KRT8: variants seen among roughly 807,000 people sequenced by gnomAD.
The protein encoded by KRT8 is keratin 8, also known as keratin, type II cytoskeletal 8.
A neutral mutation model predicts 43.0 loss-of-function variants in KRT8; 24 were observed. The ratio of observed to expected loss-of-function variants is 0.56; its 90% CI spans 0.40 to 0.78. The LOEUF (loss-of-function observed/expected upper bound fraction) is 0.78. KRT8 is among the 30% of genes least tolerant of loss of function. KRT8 has a pLI of 0.00. For synonymous variants in KRT8, 214 were observed against 261.2 expected (o/e 0.82, Z 1.74); for missense variants, 492 against 638.4 (o/e 0.77, Z 2.47).
intron 2 of KRT8, among the ~76,000 whole-genome samples, chr12:52,923,609 G>A (rs941120261): frequency 2.0e-5 from 3 of 151,274 alleles, no homozygotes; most frequent in African/African-American, 4.9e-5. Flanking sequence ...TAGTAGAGAC[G>A]GGATTTCACC....
At chr12:52,929,796 C>A (rs774466367) in intron 2 of KRT8, among the ~76,000 whole-genome samples, 6 of 152,174 alleles carry the variant, frequency 3.9e-5, no homozygotes, top group Non-Finnish European at 7.3e-5. Context: ...CTGCCTCCAC[C>A]TCTTCAGGCC....
exon 6 of KRT8, chr12:52,898,812 C>T (rs1941284972): frequency 3.1e-6 from 5 of 1,614,050 alleles, no homozygotes; most frequent in Admixed American, 3.3e-5. Flanking sequence ...AGGGCGGCCT[C>T]CAGCTCGGAC....
At chr12:52,940,432 CA>C (rs959352157) in intron 2 of KRT8, among the ~76,000 whole-genome samples, 3,971 of 50,762 alleles carry the variant, frequency 0.078, 140 homozygotes, top group African/African-American at 0.22. Context: ...GACTCAGTCT[CA>C]AAAAAAAAAA....
chr12:52,903,278 T>G (rs1277670493), intron 1 of KRT8, among the ~76,000 whole-genome samples: 1 of 152,102 alleles, frequency 6.6e-6, no homozygotes, highest in Non-Finnish European at 1.5e-5. Context: ...ATTCATTTTA[T>G]AGATGAGGAA....
At chr12:52,926,534 C>T in intron 2 of KRT8, 1 of 1,363,140 alleles carries the variant, frequency 7.3e-7, no homozygotes. Flanking sequence ...GAAGTGGCCA[C>T]TCCTATAGAG....
intron 2 of KRT8, among the ~76,000 whole-genome samples, chr12:52,930,735 A>AT (rs912424642): frequency 5.4e-5 from 8 of 149,134 alleles, no homozygotes; most frequent in Middle Eastern, 3.7e-3. Context: ...TAATATTTTT[A>AT]TTTTTTGTAG....
rs766588095 is a variant in KRT8, at chr12:52,949,560, C to T, written c.-151G>A. The T allele has an allele frequency of 2.7e-5, 44 of 1,613,846 alleles. No individual in the cohort carries two copies. In the African/African-American group the frequency reaches 5.2e-4, roughly 19 times the overall value. ...CCCAGGTCAGAGACTGGAGCCATTA[C>T]TTCAAGATCATCGAGGACCTGAGGG... On this transcript the variant is annotated 5_prime_UTR_variant, in exon 2 of 7. Coordinates refer to the KRT8 transcript ENST00000546826.
chr12:52,938,170 A>ATATATATAT lies in KRT8; in HGVS notation c.-47+11285_-47+11286insATATATATA, dbSNP rs1555189967. On this transcript the variant is annotated intron_variant, in intron 2 of 6. Coordinates refer to the KRT8 transcript ENST00000546826. ...TATATATATATATATATATATATAT[A>ATATATATAT]TTTTTTTTTTTTTTTATATATAAGG... is the stretch of plus-strand genomic sequence containing the variant. Among the ~76,000 whole-genome samples the ATATATATAT allele has an allele frequency of 2.6e-3, 79 of 30,256 alleles. 1 individual carries two copies. The highest frequency in any genetic ancestry group is 3.7e-3 in the Non-Finnish European group (63 of 16,922). The allele number at this position is 30,256 out of a possible 152,430, so 19.8% of individuals were successfully genotyped here. A position where few individuals can be genotyped will look rare whatever the true frequency, so the allele number is the denominator to read the frequency against.
chr12:52,945,095 A>C (rs1745264006), intron 2 of KRT8, among the ~76,000 whole-genome samples: 1 of 152,204 alleles, frequency 6.6e-6, no homozygotes. Context: ...CCTATGTGCC[A>C]GATGCAGGGC....
At position 52,933,616 on chromosome 12, in the gene KRT8, T is replaced by C. The variant is rs371931502; in HGVS notation, c.-47+15840A>G. Among the ~76,000 whole-genome samples the C allele has an allele frequency of 2.0e-4, 30 of 152,218 alleles. No individual in the cohort carries two copies. The South Asian group carries it at 6.2e-3, about 32-fold the overall frequency. ...GCCTAGAATAACCAAAACAATTTTT[T>C]TTATTTTTTATTTTTTTATTTTTTT... On this transcript the variant is annotated intron_variant, in intron 2 of 6. Transcript: ENST00000546826.
upstream of KRT8, among the ~76,000 whole-genome samples, chr12:52,906,307 G>A (rs943322494): frequency 1.3e-5 from 2 of 152,092 alleles, no homozygotes; most frequent in African/African-American, 2.4e-5. Flanking sequence ...TGCTCTTTGC[G>A]GGAGTCACTC....
intron 2 of KRT8, among the ~76,000 whole-genome samples, chr12:52,926,173 C>T (rs557045991): frequency 5.5e-5 from 8 of 146,578 alleles, no homozygotes; most frequent in Non-Finnish European, 4.5e-5. Context: ...CTCTCCTGCT[C>T]GCTCAGGTAT....
intron 2 of KRT8, among the ~76,000 whole-genome samples, chr12:52,933,938 TA>T (rs1047394577): frequency 4.6e-4 from 69 of 151,010 alleles, no homozygotes; most frequent in African/African-American, 1.6e-3. Flanking sequence ...AAACAATTTT[TA>T]AAAAGAATAG....
chr12:52,907,441 G>A (rs1293309441), upstream of KRT8, among the ~76,000 whole-genome samples: 5 of 152,156 alleles, frequency 3.3e-5, no homozygotes, highest in African/African-American at 9.7e-5. Flanking sequence ...GGAGCAGGGG[G>A]CACTCAGGTC....
At chr12:52,919,257 TTTC>T (rs1296452195) in intron 2 of KRT8, among the ~76,000 whole-genome samples, 2 of 151,658 alleles carry the variant, frequency 1.3e-5, no homozygotes, top group Non-Finnish European at 2.9e-5. Flanking sequence ...TCATGATGGG[TTTC>T]TTTTTTGTTT....
intron 3 of KRT8, 196 bp from the exon 4 acceptor site, chr12:52,900,879 C>T: frequency 3.1e-6 from 2 of 640,370 alleles, no homozygotes; most frequent in Non-Finnish European, 5.6e-6. Context: ...TCCTGCAACA[C>T]ACCCTCTTCC....
chr12:52,918,989 C>G (rs1279557166), intron 2 of KRT8, among the ~76,000 whole-genome samples: 2 of 152,146 alleles, frequency 1.3e-5, no homozygotes, highest in Non-Finnish European at 2.9e-5. Context: ...AGTGCTAGCT[C>G]AGCAGGGTGG....
intron 2 of KRT8, among the ~76,000 whole-genome samples, chr12:52,928,471 C>T (rs1157697059): frequency 6.6e-6 from 1 of 152,158 alleles, no homozygotes; most frequent in Admixed American, 6.5e-5. Flanking sequence ...CTCTGATCCA[C>T]ACACCCCTCC....
At chr12:52,900,772 A>T (rs1941349262) in intron 3 of KRT8, 89 bp from the exon 4 acceptor site, 5 of 875,598 alleles carry the variant, frequency 5.7e-6, no homozygotes, top group Non-Finnish European at 9.5e-6. Context: ...TGGCCTGGTC[A>T]CAGGACTTTC....
Sources: gnomAD v4.1 joint callset for allele counts (sites outside exome capture counted in the v4.1 genomes callset) on GRCh38, gnomAD v4.1.1 for gene constraint, MANE v1.5 for transcripts, NCBI Gene and HGNC (gene_info 2026-07-23, HGNC 2026-07-21) for gene names.